The following TRMT1L variants were observed in gnomAD, a reference collection of about 807,000 sequenced individuals.
The protein encoded by TRMT1L is tRNA (guanine(27)-N(2))-dimethyltransferase.
In TRMT1L, 28 loss-of-function variants were observed where a neutral mutation model predicts 81.6. The ratio of observed to expected loss-of-function variants is 0.34; its 90% CI spans 0.25 to 0.47. The LOEUF (loss-of-function observed/expected upper bound fraction) is 0.47. Among genes scored for constraint, TRMT1L ranks in the 20% least tolerant of loss-of-function variants. TRMT1L has a pLI of 1.00. For missense variants in TRMT1L, 739 were observed against 877.1 expected (o/e 0.84, Z 1.99); for synonymous variants, 301 against 303.2 (o/e 0.99, Z 0.07).
intron 8 of TRMT1L, among the ~76,000 whole-genome samples, 166 bp from the exon 9 acceptor site, chr1:185,139,745 T>G (rs61577109): frequency 0.018 from 2,681 of 152,354 alleles, 89 homozygotes; most frequent in African/African-American, 0.06. Context: ...GATAGTATGA[T>G]GTATCAGACA....
Position 185,150,450 on chromosome 1 carries a change from C to G in TRMT1L, c.389G>C (p.Arg130Thr). 6.2e-7 allele frequency: 1 copy of G among 1,613,592 alleles called. No individual in the cohort carries two copies. Among genetic ancestry groups the G allele is most frequent in the Non-Finnish European group, 8.5e-7 (1 of 1,179,830 alleles). Residue 130 changes from arginine (R) to threonine (T), a missense_variant, in exon 3 of 15, where the codon AGA becomes ACA. Arg to Thr is a moderately conservative substitution (Grantham distance 71, BLOSUM62 -1). This residue lies in a region of TRMT1L where 209 missense variants were observed against 165.4 expected (regional missense o/e 1.26). Coordinates refer to ENST00000367506, the MANE Select transcript of TRMT1L (RefSeq NM_030934.5). Reference sequence around the variant, plus strand: ...ACGAAGCTTATGGCTATTACAAGCTCTGAATTTTTCCTTAGGGCACAATGG... The same window carrying G: ...ACGAAGCTTATGGCTATTACAAGCTGTGAATTTTTCCTTAGGGCACAATGG... ...ACPLCPKEKF[R>T]ACNSHKLRRH...
rs748109980 is a variant in TRMT1L, at chr1:185,143,875, A to C, written c.779+31T>G. 7 of 1,563,320 alleles carry C rather than the reference A, an allele frequency of 4.5e-6. No homozygotes were observed. The Admixed American group carries it at 1.1e-4, about 25-fold the overall frequency. On this transcript the variant is annotated intron_variant, in intron 6 of 14. Coordinates refer to ENST00000367506, the MANE Select transcript of TRMT1L (RefSeq NM_030934.5). ...AGGTACACTTATAATAATTTGAAAC[A>C]TCCCATAACCCTATTTTCAATTTAT...
At chr1:185,152,863 C>T (rs1274215078) in intron 1 of TRMT1L, among the ~76,000 whole-genome samples, 2 of 152,156 alleles carry the variant, frequency 1.3e-5, no homozygotes, top group Non-Finnish European at 2.9e-5. Flanking sequence ...TGATGTACTA[C>T]TGGTACAGTA....
chr1:185,129,354 A>G (rs948984943), intron 10 of TRMT1L, among the ~76,000 whole-genome samples: 2 of 152,234 alleles, frequency 1.3e-5, no homozygotes, highest in African/African-American at 4.8e-5. Flanking sequence ...ATTCATATTC[A>G]GCCTTCAAAA....
chr1:185,150,534 G>T, intron 2 of TRMT1L, 42 bp from the exon 3 acceptor site: 1 of 1,380,618 alleles, frequency 7.2e-7, no homozygotes, highest in Non-Finnish European at 1.0e-6. Flanking sequence ...GAATATTCTA[G>T]TTATTAATGC....
At chr1:185,135,284 C>T (rs969315696) in intron 10 of TRMT1L, among the ~76,000 whole-genome samples, 2 of 151,692 alleles carry the variant, frequency 1.3e-5, no homozygotes, top group Admixed American at 6.6e-5. Context: ...GGCATGATGG[C>T]GTGTGCCTGT....
At chr1:185,131,621 T>C (rs549176379) in intron 10 of TRMT1L, among the ~76,000 whole-genome samples, 3 of 151,196 alleles carry the variant, frequency 2.0e-5, no homozygotes, top group Non-Finnish European at 4.4e-5. Flanking sequence ...TGAAAAAATA[T>C]GAAATAACTC....
In TRMT1L at chr1:185,119,881, G is replaced by A; in HGVS notation, c.*138C>T. 9.1e-7 allele frequency: 1 copy of A among 1,093,954 alleles called. No individual in the cohort carries two copies. Among genetic ancestry groups the A allele is most frequent in the Non-Finnish European group, 1.3e-6 (1 of 794,494 alleles). 67.8% of individuals were successfully genotyped at this position (1,093,954 alleles called of 1,614,324 possible). On this transcript the variant is annotated 3_prime_UTR_variant, in exon 15 of 15. Transcript: ENST00000367506. ...TCCCAAACCAGCTAAGTTAGAAACT[G>A]CTCAGTTTCTGAATGAAAATGACAC...
In TRMT1L at chr1:185,156,602, C is replaced by G. The variant is rs1163942149; in HGVS notation, c.111G>C (p.Pro37=). 2 of 1,596,756 alleles carry G rather than the reference C, an allele frequency of 1.3e-6. No individual in the cohort carries two copies. The highest frequency in any genetic ancestry group is 1.7e-6 in the Non-Finnish European group (2 of 1,172,002). ...PARDSAGVPA[P]APDSALDSAP... The stretch of plus-strand genomic sequence containing the variant: ...CCGAGTCCAGAGCCGAATCCGGGGC[C>G]GGAGCTGGGACCCCAGCCGAGTCCC... Residue 37 remains proline (P), a synonymous_variant, in exon 1 of 15, where the codon CCG becomes CCC. Coordinates refer to ENST00000367506, the MANE Select transcript of TRMT1L (RefSeq NM_030934.5).
chr1:185,118,502 A>C lies in TRMT1L; in HGVS notation c.*1517T>G, dbSNP rs12030554. On this transcript the variant is annotated 3_prime_UTR_variant, in exon 15 of 15. Coordinates refer to ENST00000367506, the MANE Select transcript of TRMT1L (RefSeq NM_030934.5). ...ATTAAATCAGATAATCTGAGTGCTAAAATAGTTTGCCTCCTGGATTTATAG... is the reference window on the plus strand; with the variant it reads ...ATTAAATCAGATAATCTGAGTGCTACAATAGTTTGCCTCCTGGATTTATAG... 1 of 151,882 alleles carries C rather than the reference A, an allele frequency of 6.6e-6. No homozygotes were observed. The highest frequency in any genetic ancestry group is 2.4e-5 in the African/African-American group (1 of 41,348). 9.4% of individuals were successfully genotyped at this position (151,882 alleles called of 1,614,324 possible). A position where few individuals can be genotyped will look rare whatever the true frequency, so the allele number is the denominator to read the frequency against.
chr1:185,135,861 A>C (rs962472360), intron 10 of TRMT1L, among the ~76,000 whole-genome samples: 17 of 152,098 alleles, frequency 1.1e-4, no homozygotes, highest in African/African-American at 4.1e-4. Context: ...ATAAAATACA[A>C]CAACATATTA....
intron 7 of TRMT1L, 131 bp downstream of exon 7, chr1:185,143,226 A>G: frequency 1.4e-6 from 1 of 690,758 alleles, no homozygotes; most frequent in Non-Finnish European, 2.3e-6. Context: ...AAAATTTTTC[A>G]CAATAAAAAA....
intron 11 of TRMT1L, among the ~76,000 whole-genome samples, chr1:185,128,463 C>T (rs1329818316): frequency 1.3e-5 from 2 of 152,138 alleles, no homozygotes; most frequent in Non-Finnish European, 2.9e-5. Flanking sequence ...CCTCTTAGTT[C>T]TGTCACAAAC....
chr1:185,138,375 T>C (rs1286210005), intron 9 of TRMT1L, among the ~76,000 whole-genome samples: 1 of 152,202 alleles, frequency 6.6e-6, no homozygotes, highest in Non-Finnish European at 1.5e-5. Context: ...TTTTTAAGTA[T>C]GTGCAGTTAA....
chr1:185,153,185 A>T (rs1653408756), intron 1 of TRMT1L, among the ~76,000 whole-genome samples: 1 of 152,188 alleles, frequency 6.6e-6, no homozygotes, highest in Non-Finnish European at 1.5e-5. Flanking sequence ...TTTCTCAAGC[A>T]TTACACACTC....
chr1:185,123,140 T>C (rs1318310529), intron 13 of TRMT1L, among the ~76,000 whole-genome samples: 1 of 152,196 alleles, frequency 6.6e-6, no homozygotes, highest in African/African-American at 2.4e-5. Flanking sequence ...TTAAACTATA[T>C]ACTATTAAAA....
intron 10 of TRMT1L, among the ~76,000 whole-genome samples, chr1:185,129,832 A>G (rs928914485): frequency 2.6e-5 from 3 of 116,706 alleles, no homozygotes; most frequent in African/African-American, 4.4e-5. Flanking sequence ...GGGTGTGGTT[A>G]GCACTGACGT....
At chr1:185,139,952 C>A (rs184520351) in intron 8 of TRMT1L, 21 bp downstream of exon 8, 27 of 1,592,008 alleles carry the variant, frequency 1.7e-5, no homozygotes, top group East Asian at 2.3e-5. Flanking sequence ...GAAAGTGACA[C>A]GGCAAGTCTT....
chr1:185,119,856 TC>T lies in TRMT1L; in HGVS notation c.*162del. The stretch of plus-strand genomic sequence containing the variant: ...CAAAAAAAAACTTGGAAAGCAAAGC[TC>T]CCAAACCAGCTAAGTTAGAAACTGC... On this transcript the variant is annotated 3_prime_UTR_variant, in exon 15 of 15. Transcript: ENST00000367506. 1 of 873,196 alleles carries T rather than the reference TC, an allele frequency of 1.1e-6. No individual in the cohort carries two copies. Among genetic ancestry groups the T allele is most frequent in the Non-Finnish European group, 1.6e-6 (1 of 609,556 alleles). The allele number at this position is 873,196 out of a possible 1,614,324, so 54.1% of individuals were successfully genotyped here.
Sources: gnomAD v4.1 joint callset for allele counts (sites outside exome capture counted in the v4.1 genomes callset) on GRCh38, gnomAD v4.1.1 for gene constraint, gnomAD v4.1.1 regional missense constraint, MANE v1.5 for transcripts, NCBI Gene and HGNC (gene_info 2026-07-23, HGNC 2026-07-21) for gene names.